The following ARMC9 variants were observed in gnomAD, a reference collection of about 807,000 sequenced individuals.
The protein encoded by ARMC9 is armadillo repeat containing 9, also known as lisH domain-containing protein ARMC9.
A neutral mutation model predicts 107.0 loss-of-function variants in ARMC9; 94 were observed. That is an observed-to-expected ratio of 0.88 (90% confidence interval 0.74 to 1.04). The LOEUF is 1.04. Ranked by LOEUF, ARMC9 falls within the 50% of genes least tolerant of loss-of-function variation. The pLI is 0.00. For synonymous variants in ARMC9, 380 were observed against 396.9 expected (o/e 0.96, Z 0.51); for missense variants, 942 against 1,030.1 (o/e 0.91, Z 1.17).
At chr2:231,344,648 CT>C (rs1407820368) in intron 20 of ARMC9, among the ~76,000 whole-genome samples, 1 of 152,156 alleles carries the variant, frequency 6.6e-6, no homozygotes, top group Admixed American at 6.5e-5. Flanking sequence ...AAATGTCCAT[CT>C]TTTTTTCCCT....
At chr2:231,223,165 C>A (rs2034317453) in intron 6 of ARMC9, among the ~76,000 whole-genome samples, 1 of 152,184 alleles carries the variant, frequency 6.6e-6, no homozygotes, top group Non-Finnish European at 1.5e-5. Context: ...CCCTTCAGGC[C>A]ATGGCATATG....
At chr2:231,337,522 T>C (rs1177663505) in intron 20 of ARMC9, among the ~76,000 whole-genome samples, 1 of 122,112 alleles carries the variant, frequency 8.2e-6, no homozygotes, top group Non-Finnish European at 1.7e-5. Context: ...CAGGCTGGAG[T>C]TCAGTGGCGG....
At chr2:231,289,583 A>G (rs1377364099) in intron 17 of ARMC9, among the ~76,000 whole-genome samples, 1 of 152,202 alleles carries the variant, frequency 6.6e-6, no homozygotes, top group African/African-American at 2.4e-5. Context: ...GAGGAGAGAC[A>G]CATTTGTGAG....
chr2:231,202,336 T>A (rs929136566), intron 1 of ARMC9, among the ~76,000 whole-genome samples: 24 of 150,528 alleles, frequency 1.6e-4, no homozygotes, highest in Admixed American at 4.0e-4. Flanking sequence ...TTTTTTTTTT[T>A]TTTTGAGACA....
At chr2:231,216,842 G>T (rs1159528163) in intron 5 of ARMC9, 49 bp downstream of exon 5, 1 of 1,565,138 alleles carries the variant, frequency 6.4e-7, no homozygotes, top group African/African-American at 1.4e-5. Flanking sequence ...TGACATTGTG[G>T]TTTTACCTTC....
intron 11 of ARMC9, among the ~76,000 whole-genome samples, chr2:231,261,726 A>G (rs1013516958): frequency 4.6e-5 from 7 of 152,138 alleles, no homozygotes; most frequent in South Asian, 2.1e-4. Flanking sequence ...GCTCTTCCCT[A>G]TCTGCACACT....
In ARMC9 at chr2:231,278,384, A is replaced by T. The variant is rs2039938950; in HGVS notation, c.1477A>T (p.Lys493Ter). Residue 493 changes from lysine (K) to a stop codon, truncating the protein, a stop_gained and splice_region_variant, in exon 16 of 25, where the codon AAG becomes TAG. Coordinates refer to ENST00000611582, the MANE Select transcript of ARMC9 (RefSeq NM_001352754.2). LOFTEE classifies it high-confidence loss of function. ...TAGCTTTGATTTGTTTCCCATAGGG[A>T]AGAACATGTGTGCCAAGGTGGCAGG... is the stretch of plus-strand genomic sequence containing the variant. ...LMNLCLRSTG[K>*]NMCAKVAGLV... 6.2e-7 allele frequency: 1 copy of T among 1,613,968 alleles called. No homozygotes were observed. Among genetic ancestry groups the T allele is most frequent in the Non-Finnish European group, 8.5e-7 (1 of 1,179,986 alleles).
intron 7 of ARMC9, among the ~76,000 whole-genome samples, chr2:231,229,399 GC>G (rs2034994586): frequency 6.6e-6 from 1 of 152,198 alleles, no homozygotes; most frequent in Non-Finnish European, 1.5e-5. Flanking sequence ...ATTACCAGAA[GC>G]TTTTAAAGAA....
chr2:231,266,889 G>A (rs542294703), intron 12 of ARMC9, among the ~76,000 whole-genome samples: 1 of 152,224 alleles, frequency 6.6e-6, no homozygotes, highest in African/African-American at 2.4e-5. Context: ...TGTGAAGTGT[G>A]CATGCACATC....
intron 21 of ARMC9, among the ~76,000 whole-genome samples, chr2:231,350,660 G>A (rs1250117728): frequency 4.0e-5 from 6 of 151,186 alleles, no homozygotes; most frequent in Admixed American, 2.6e-4. Flanking sequence ...AACTTCATAT[G>A]TTCAAGGCAA....
chr2:231,208,557 T>C (rs374706522), intron 3 of ARMC9, among the ~76,000 whole-genome samples: 73 of 152,318 alleles, frequency 4.8e-4, no homozygotes, highest in African/African-American at 1.6e-3. Flanking sequence ...AGGTTATTAA[T>C]TCTAGGCACT....
intron 19 of ARMC9, among the ~76,000 whole-genome samples, chr2:231,301,354 T>C (rs1184205119): frequency 3.3e-5 from 5 of 152,242 alleles, no homozygotes; most frequent in African/African-American, 1.2e-4. Flanking sequence ...ATATGGGCTC[T>C]TGCTGCTGGA....
At chr2:231,282,924 C>T (rs1346087235) in intron 17 of ARMC9, among the ~76,000 whole-genome samples, 1 of 152,052 alleles carries the variant, frequency 6.6e-6, no homozygotes, top group East Asian at 1.9e-4. Flanking sequence ...GCGTTATGGT[C>T]ATTTAGGTGA....
intron 5 of ARMC9, among the ~76,000 whole-genome samples, chr2:231,220,490 C>T (rs1011819340): frequency 2.4e-4 from 36 of 150,642 alleles, no homozygotes; most frequent in South Asian, 2.1e-4. Context: ...CCAGCTACTC[C>T]GGAGGCTGAG....
At chr2:231,284,052 T>G (rs533193150) in intron 17 of ARMC9, among the ~76,000 whole-genome samples, 1 of 150,646 alleles carries the variant, frequency 6.6e-6, no homozygotes, top group Admixed American at 6.6e-5. Flanking sequence ...TCATGTCCCA[T>G]GTAACAACAT....
intron 19 of ARMC9, among the ~76,000 whole-genome samples, chr2:231,309,867 T>G (rs1168720052): frequency 1.3e-5 from 2 of 152,196 alleles, no homozygotes; most frequent in Non-Finnish European, 2.9e-5. Flanking sequence ...GTTCTTGGCT[T>G]GCATCGCTGC....
rs113241305 is a variant in ARMC9 at position 231,239,878 on chromosome 2, C to T, written c.781-65C>T. On this transcript the variant is annotated intron_variant, in intron 8 of 24. Transcript: ENST00000611582. ...GAGAGACCACTCTAACAATTGCCAG[C>T]GTGCCTCAGGTGTCCCTCAGTGAGT... is the stretch of plus-strand genomic sequence containing the variant. 6.6e-6 allele frequency: 9 copies of T among 1,367,910 alleles called. No homozygotes were observed. In the Admixed American group the frequency reaches 7.1e-5, roughly 11 times the overall value. 84.7% of individuals were successfully genotyped at this position (1,367,910 alleles called of 1,614,324 possible).
intron 1 of ARMC9, among the ~76,000 whole-genome samples, chr2:231,199,337 G>C (rs1220976489): frequency 6.6e-6 from 1 of 152,244 alleles, no homozygotes; most frequent in Non-Finnish European, 1.5e-5. Flanking sequence ...TTGTTTAAAA[G>C]GCAGATTTCT....
chr2:231,316,240 C>G (rs1366290878), intron 19 of ARMC9, among the ~76,000 whole-genome samples: 2 of 151,186 alleles, frequency 1.3e-5, no homozygotes, highest in African/African-American at 2.4e-5. Context: ...TAATGCTGGT[C>G]TCTTAACAAC....
Sources: gnomAD v4.1 joint callset for allele counts (sites outside exome capture counted in the v4.1 genomes callset) on GRCh38, gnomAD v4.1.1 for gene constraint, MANE v1.5 for transcripts, NCBI Gene and HGNC (gene_info 2026-07-23, HGNC 2026-07-21) for gene names.